Variants in IL7R observed in about 807,000 individuals in gnomAD.
The protein encoded by IL7R is interleukin 7 receptor.
Under a neutral mutation model 47.0 loss-of-function variants are expected in IL7R, and 38 were observed. The observed-to-expected ratio is 0.81, with a 90% CI of 0.62 to 1.06. IL7R has a LOEUF of 1.06. Among genes scored for constraint, IL7R ranks in the 50% least tolerant of loss-of-function variants. The probability of loss-of-function intolerance (pLI) is 0.00; values close to 1 mark genes in which losing one functional copy is unlikely to be tolerated. For missense variants in IL7R, 633 were observed against 534.8 expected, an observed-to-expected ratio of 1.18 and a Z score of -1.81; for synonymous variants, 221 against 199.8, an observed-to-expected ratio of 1.11 and a Z score of -0.89.
chr5:35,875,330 G>A (rs1280715529), intron 6 of IL7R, 182 bp from the exon 7 acceptor site: 4 of 665,444 alleles, frequency 6.0e-6, no homozygotes, highest in Non-Finnish European at 1.1e-5. Context: ...ACCCCTCCTT[G>A]AATTGATAGG....
chr5:35,873,429 G>A, intron 4 of IL7R, 51 bp from the exon 5 acceptor site: 1 of 1,459,836 alleles, frequency 6.9e-7, no homozygotes, highest in Non-Finnish European at 9.6e-7. Context: ...GGGAGATTTA[G>A]GCAACACCTC....
intron 1 of IL7R, among the ~76,000 whole-genome samples, chr5:35,859,960 A>G (rs558616028): frequency 8.1e-5 from 12 of 148,294 alleles, no homozygotes; most frequent in Non-Finnish European, 1.6e-4. Flanking sequence ...CTCACTTTCT[A>G]TCATGTAAAA....
intron 4 of IL7R, 52 bp downstream of exon 4, chr5:35,871,265 T>G: frequency 6.8e-7 from 1 of 1,476,464 alleles, no homozygotes; most frequent in South Asian, 1.2e-5. Context: ...TGTTTTCTAT[T>G]TTGTTGGCCT....
At chr5:35,867,645 T>G in intron 3 of IL7R, 182 bp downstream of exon 3, 1 of 669,956 alleles carries the variant, frequency 1.5e-6, no homozygotes, top group Non-Finnish European at 2.7e-6. Context: ...TTTCCTGCAG[T>G]GAAAGAATTC....
rs1759793665 is a variant in IL7R at position 35,860,988 on chromosome 5, A to G, written c.219A>G (p.Ile73Met). 1.2e-6 allele frequency: 2 copies of G among 1,613,218 alleles called. No individual in the cohort carries two copies. Among genetic ancestry groups the G allele is most frequent in the African/African-American group, 1.3e-5 (1 of 74,898 alleles). ...ACATCACCAATCTGGAATTTGAAAT[A>G]TGGTGAGGGATGGTGGTTTTAATGG... ...DVNITNLEFE[I>M]CGALVEVKCL... The change falls in exon 2 of 8, where the codon ATA becomes ATG. Residue 73 changes from isoleucine (I) to methionine (M), a missense_variant and splice_region_variant. Transcript: ENST00000303115.
At chr5:35,873,130 A>ACTAAC (rs772701154) in intron 4 of IL7R, 1 of 294,306 alleles carries the variant, frequency 3.4e-6, no homozygotes, top group Non-Finnish European at 6.6e-6. Flanking sequence ...ATTCCTGCTC[A>ACTAAC]CTAACCTAAC....
chr5:35,866,003 C>T (rs1334438931), intron 2 of IL7R, among the ~76,000 whole-genome samples: 1 of 152,126 alleles, frequency 6.6e-6, no homozygotes, highest in Non-Finnish European at 1.5e-5. Context: ...CTTAGGGAAA[C>T]AATTCATGTT....
At chr5:35,866,023 A>G (rs1326631304) in intron 2 of IL7R, among the ~76,000 whole-genome samples, 1 of 152,188 alleles carries the variant, frequency 6.6e-6, no homozygotes, top group African/African-American at 2.4e-5. Context: ...TCACAATTTC[A>G]GCACTAAATA....
At position 35,861,272 on chromosome 5, in the gene IL7R, C is replaced by T. The variant is rs73092050; in HGVS notation, c.221+282C>T. 8.7e-3 allele frequency among the ~76,000 whole-genome samples: 1,318 copies of T among 152,174 alleles called. 13 individuals carry two copies. The highest frequency in any genetic ancestry group is 0.031 in the African/African-American group (1,267 of 41,536). ...ACTTCATATCAGAATTTAAATCCTG[C>T]GTCTCCTACAACACTTCTCACCAAA... On this transcript the variant is annotated intron_variant, in intron 2 of 7. Coordinates refer to ENST00000303115, the MANE Select transcript of IL7R (RefSeq NM_002185.5).
At chr5:35,862,316 G>C (rs1340569422) in intron 2 of IL7R, among the ~76,000 whole-genome samples, 1 of 152,102 alleles carries the variant, frequency 6.6e-6, no homozygotes, top group African/African-American at 2.4e-5. Flanking sequence ...TAACCAGCTG[G>C]CTGGTGGGCT....
rs1235095542 is a variant in IL7R, at chr5:35,876,176, C to T, written c.1070C>T (p.Thr357Ile). 1.2e-6 allele frequency: 2 copies of T among 1,614,012 alleles called. No individual in the cohort carries two copies. Among genetic ancestry groups the T allele is most frequent in the African/African-American group, 1.3e-5 (1 of 74,922 alleles). The change falls in exon 8 of 8, where the codon ACT becomes ATT. Residue 357 changes from threonine to isoleucine, a missense_variant. By Grantham distance (89) the Thr-to-Ile change is moderately conservative. Coordinates refer to ENST00000303115, the MANE Select transcript of IL7R (RefSeq NM_002185.5). ...TGCCCATCTGAGGATGTAGTCATCA[C>T]TCCAGAAAGCTTTGGAAGAGATTCA... ...PNCPSEDVVI[T>I]PESFGRDSSL...
At position 35,874,816 on chromosome 5, in the gene IL7R, G is replaced by T. The variant is rs536094850; in HGVS notation, c.800+274G>T. ...TTTCTTCCAGTATCTCCTAAAGGTT[G>T]CAGAAGCCATCATTCATGGCAAATG... On this transcript the variant is annotated intron_variant, in intron 6 of 7. Coordinates refer to ENST00000303115, the MANE Select transcript of IL7R (RefSeq NM_002185.5). 3.9e-5 allele frequency among the ~76,000 whole-genome samples: 6 copies of T among 152,322 alleles called. 1 individual carries two copies. In the South Asian group the frequency reaches 1.2e-3, roughly 32 times the overall value.
rs563086691 is a variant in IL7R, at chr5:35,876,288, C to T, written c.1182C>T (p.Gly394=). 6.2e-7 allele frequency: 1 copy of T among 1,614,052 alleles called. No individual in the cohort carries two copies. The highest frequency in any genetic ancestry group is 8.5e-7 in the Non-Finnish European group (1 of 1,179,956). ...GGTCCCTAGACTGCAGGGAGAGTGG[C>T]AAGAATGGGCCTCATGTGTACCAGG... The part of the protein sequence containing the change: ...SSRSLDCRES[G]KNGPHVYQDL... Residue 394 remains glycine, a synonymous_variant, in exon 8 of 8, where the codon GGC becomes GGT. Transcript: ENST00000303115.
intron 6 of IL7R, 59 bp from the exon 7 acceptor site, chr5:35,875,453 A>C (rs1760182485): frequency 1.8e-6 from 2 of 1,125,262 alleles, no homozygotes; most frequent in Non-Finnish European, 2.7e-6. Context: ...AAGTGGGAAG[A>C]CTCAGTGTGC....
rs548783574 is a variant in IL7R at position 35,874,537 on chromosome 5, A to G, written c.795A>G (p.Lys265=). 2 of 1,609,104 alleles carry G rather than the reference A, an allele frequency of 1.2e-6. No individual in the cohort carries two copies. The highest frequency in any genetic ancestry group is 1.1e-5 in the South Asian group (1 of 90,976). The change falls in exon 6 of 8, where the codon AAA becomes AAG. Residue 265 remains lysine (K), a synonymous_variant. Coordinates refer to ENST00000303115, the MANE Select transcript of IL7R (RefSeq NM_002185.5). ...TCATCTTGGCCTGTGTGTTATGGAA[A>G]AAAAGGTGACCTTCTTCAACTAATA... ...LLVILACVLW[K]KRIKPIVWPS... is the part of the protein sequence containing the mutation.
At chr5:35,857,971 A>G (rs1759701210) in intron 1 of IL7R, among the ~76,000 whole-genome samples, 1 of 152,320 alleles carries the variant, frequency 6.6e-6, no homozygotes. Flanking sequence ...CGAAGGATGG[A>G]AATCCCTAGA....
intron 2 of IL7R, among the ~76,000 whole-genome samples, chr5:35,861,494 A>C (rs1178718715): frequency 6.6e-6 from 1 of 152,196 alleles, no homozygotes; most frequent in Non-Finnish European, 1.5e-5. Context: ...TGGTTAAATA[A>C]TTTCATCATA....
At chr5:35,866,569 TAATTTCTTTGA>T (rs1759945673) in intron 2 of IL7R, among the ~76,000 whole-genome samples, 1 of 152,172 alleles carries the variant, frequency 6.6e-6, no homozygotes, top group Admixed American at 6.5e-5. Context: ...ATAATAAGTT[TAATTTCTTTGA>T]GAGAAATATA....
At chr5:35,857,477 T>G (rs1759685093) in intron 1 of IL7R, among the ~76,000 whole-genome samples, 1 of 120,732 alleles carries the variant, frequency 8.3e-6, no homozygotes, top group South Asian at 2.4e-4. Context: ...GATAAGGTAA[T>G]GTACAGAAGC....
Sources: allele counts gnomAD v4.1 joint callset (sites outside exome capture counted in the v4.1 genomes callset), GRCh38; gene constraint gnomAD v4.1.1; transcripts MANE v1.5; gene names NCBI Gene and HGNC (gene_info 2026-07-23, HGNC 2026-07-21).